Variants in JMJD1C observed in about 807,000 individuals in gnomAD.
JMJD1C encodes the protein jumonji domain-containing protein 1C.
JMJD1C carries 31 observed loss-of-function variants against 245.3 expected under a neutral mutation model. The observed-to-expected ratio is 0.13, with a 90% confidence interval of 0.09 to 0.17. The LOEUF (loss-of-function observed/expected upper bound fraction) is 0.17, where lower values mean the gene tolerates loss of function less well. JMJD1C is among the 10% of genes least tolerant of loss of function. The pLI, the probability that JMJD1C is intolerant of heterozygous loss-of-function variation, is 1.00. For missense variants in JMJD1C, 2,691 were observed against 3,000.2 expected, an observed-to-expected ratio of 0.90 and a Z score of 2.41; for synonymous variants, 1,057 against 1,017.4, an observed-to-expected ratio of 1.04 and a Z score of -0.74.
chr10:63,277,467 G>C (rs986699500), intron 2 of JMJD1C, among the ~76,000 whole-genome samples: 4 of 152,144 alleles, frequency 2.6e-5, no homozygotes, highest in African/African-American at 9.7e-5. Context: ...TTTTACTAAA[G>C]TAGATCTCCT....
intron 1 of JMJD1C, among the ~76,000 whole-genome samples, chr10:63,382,503 T>C (rs140616751): frequency 2.0e-5 from 3 of 152,314 alleles, no homozygotes; most frequent in Non-Finnish European, 4.4e-5. Flanking sequence ...TGGCTTTTCA[T>C]GATTAAAAAC....
At chr10:63,237,798 T>C (rs1488940436) in intron 3 of JMJD1C, among the ~76,000 whole-genome samples, 1 of 152,012 alleles carries the variant, frequency 6.6e-6, no homozygotes, top group Non-Finnish European at 1.5e-5. Flanking sequence ...TGTTTCAGAT[T>C]CTGGGGTTTT....
rs1207331254 is a variant in JMJD1C, at chr10:63,264,747, A to T, written c.351T>A (p.Val117=). 6.4e-7 allele frequency: 1 copy of T among 1,572,534 alleles called. No homozygotes were observed. The highest frequency in any genetic ancestry group is 8.6e-7 in the Non-Finnish European group (1 of 1,158,352). ...TGACTGAACTGGGTATATTTCTTTCAACCAGAGGTTTGAAAGTCTGCCAAG... is the reference window on the plus strand; with the variant it reads ...TGACTGAACTGGGTATATTTCTTTCTACCAGAGGTTTGAAAGTCTGCCAAG... ...QWPALTFKPL[V]ERNIPSSVTA... is the part of the protein sequence containing the mutation. Residue 117 remains valine (V), a synonymous_variant, in exon 3 of 26, where the codon GTT becomes GTA. Transcript: ENST00000399262.
rs940649961 is a variant in JMJD1C, at chr10:63,213,828, T to C, written c.2339A>G (p.His780Arg). ...SQTPLPTINT[H>R]PLTSGPHHAV... ...ATGGTGTGGACCACTAGTCAGAGGA[T>C]GAGTGTTAATGGTAGGTAATGGAGT... Residue 780 changes from histidine to arginine, a missense_variant, in exon 8 of 26, where the codon CAT becomes CGT. His to Arg is a conservative substitution (Grantham distance 29). Coordinates refer to ENST00000399262, the MANE Select transcript of JMJD1C (RefSeq NM_032776.3). 15 of 1,613,748 alleles carry C rather than the reference T, an allele frequency of 9.3e-6. No individual in the cohort carries two copies. Among genetic ancestry groups the C allele is most frequent in the Non-Finnish European group, 1.2e-5 (14 of 1,179,876 alleles).
At chr10:63,190,121 G>T (rs527491984) in intron 17 of JMJD1C, among the ~76,000 whole-genome samples, 1 of 150,424 alleles carries the variant, frequency 6.6e-6, no homozygotes, top group East Asian at 2.0e-4. Context: ...GGCTGGTCCC[G>T]AACCCCTGAC....
At chr10:63,357,760 G>T (rs1944969169) in intron 2 of JMJD1C, among the ~76,000 whole-genome samples, 1 of 151,384 alleles carries the variant, frequency 6.6e-6, no homozygotes, top group Non-Finnish European at 1.5e-5. Flanking sequence ...TTTATTGAAT[G>T]AATGAAATTA....
At position 63,346,127 on chromosome 10, in the gene JMJD1C, T is replaced by C. The variant is rs1183165142; in HGVS notation, c.333+34191A>G. 2.0e-5 allele frequency among the ~76,000 whole-genome samples: 3 copies of C among 152,278 alleles called. No homozygotes were observed. In the East Asian group the frequency reaches 5.8e-4, roughly 29 times the overall value. On this transcript the variant is annotated intron_variant, in intron 2 of 25. Coordinates refer to ENST00000399262, the MANE Select transcript of JMJD1C (RefSeq NM_032776.3). ...GTGCAATTATAGAACACTACAGCCT[T>C]GAACTCCTGGCCTCAAGAGATTCTC...
At chr10:63,255,463 A>G (rs1259466391) in intron 3 of JMJD1C, among the ~76,000 whole-genome samples, 1 of 152,176 alleles carries the variant, frequency 6.6e-6, no homozygotes, top group Non-Finnish European at 1.5e-5. Flanking sequence ...CCGTCAAAAA[A>G]AGGAGATTCT....
At chr10:63,380,150 C>A in intron 2 of JMJD1C, 168 bp downstream of exon 2, 2 of 557,518 alleles carry the variant, frequency 3.6e-6, no homozygotes, top group Non-Finnish European at 6.2e-6. Flanking sequence ...CGCTTTTTTG[C>A]CCAGGCTGAT....
At chr10:63,329,405 G>A (rs1941886851) in intron 2 of JMJD1C, among the ~76,000 whole-genome samples, 1 of 150,410 alleles carries the variant, frequency 6.6e-6, no homozygotes, top group African/African-American at 2.4e-5. Flanking sequence ...TTGTGTGATA[G>A]GATAAGCTAG....
intron 1 of JMJD1C, among the ~76,000 whole-genome samples, chr10:63,502,989 T>C (rs1487155073): frequency 6.6e-6 from 1 of 152,152 alleles, no homozygotes; most frequent in Non-Finnish European, 1.5e-5. Context: ...ATCTTCAAAA[T>C]AACTCCTGGA....
chr10:63,459,905 G>T (rs1414693898), intron 1 of JMJD1C, among the ~76,000 whole-genome samples: 1 of 152,160 alleles, frequency 6.6e-6, no homozygotes, highest in Non-Finnish European at 1.5e-5. Context: ...AGTTTGGTCA[G>T]TCACATTTTT....
intron 1 of JMJD1C, among the ~76,000 whole-genome samples, chr10:63,413,344 AT>A (rs1949598376): frequency 6.6e-6 from 1 of 152,150 alleles, no homozygotes; most frequent in Admixed American, 6.5e-5. Flanking sequence ...GCTACCTTAA[AT>A]ATATGGTATT....
At chr10:63,317,178 T>C (rs1199038290) in intron 2 of JMJD1C, among the ~76,000 whole-genome samples, 1 of 151,960 alleles carries the variant, frequency 6.6e-6, no homozygotes, top group Non-Finnish European at 1.5e-5. Context: ...ATCATTTCTA[T>C]GTGCTAGGAA....
At chr10:63,192,873 AGT>A (rs1845001317) in intron 16 of JMJD1C, 63 bp downstream of exon 16, 1 of 1,179,076 alleles carries the variant, frequency 8.5e-7, no homozygotes, top group Non-Finnish European at 1.3e-6. Context: ...ATTGTACAAT[AGT>A]ACATTGTTGG....
At chr10:63,299,356 C>CT (rs761917728) in intron 2 of JMJD1C, among the ~76,000 whole-genome samples, 22 of 89,596 alleles carry the variant, frequency 2.5e-4, no homozygotes, top group African/African-American at 7.2e-4. Flanking sequence ...CTAATTTTTC[C>CT]ATTTTTTTTT....
intron 1 of JMJD1C, among the ~76,000 whole-genome samples, chr10:63,395,373 G>C (rs1948417287): frequency 6.6e-6 from 1 of 152,254 alleles, no homozygotes; most frequent in Middle Eastern, 3.4e-3. Context: ...AGCTACTCAG[G>C]AGGCTGAGGC....
At chr10:63,239,138 G>C (rs1851162428) in intron 3 of JMJD1C, among the ~76,000 whole-genome samples, 1 of 152,196 alleles carries the variant, frequency 6.6e-6, no homozygotes, top group African/African-American at 2.4e-5. Context: ...GCATCTGCCA[G>C]ATAATAAGAG....
At chr10:63,521,716 G>A (rs1955252651) in intron 1 of JMJD1C, 1 of 477,458 alleles carries the variant, frequency 2.1e-6, no homozygotes, top group Non-Finnish European at 3.3e-6. Flanking sequence ...CGAGGGTCTG[G>A]GGGAGCCCTC....
Sources: allele counts gnomAD v4.1 joint callset (sites outside exome capture counted in the v4.1 genomes callset), GRCh38; gene constraint gnomAD v4.1.1; transcripts MANE v1.5; gene names NCBI Gene and HGNC (gene_info 2026-07-23, HGNC 2026-07-21).